Variants in RNF150 observed in about 807,000 individuals in gnomAD.
RNF150 encodes ring finger protein 150.
Under a neutral mutation model 39.3 loss-of-function variants are expected in RNF150, and 24 were observed. That is an observed-to-expected ratio of 0.61 (90% CI 0.44 to 0.86). The LOEUF (loss-of-function observed/expected upper bound fraction) is 0.86, where lower values mean the gene tolerates loss of function less well. Ranked by LOEUF, RNF150 falls within the 40% of genes least tolerant of loss-of-function variation. The probability of loss-of-function intolerance (pLI) is 0.00; values close to 1 mark genes in which losing one functional copy is unlikely to be tolerated. For synonymous variants in RNF150, 255 were observed against 227.3 expected, an observed-to-expected ratio of 1.12 and a Z score of -1.10; for missense variants, 502 against 587.8, an observed-to-expected ratio of 0.85 and a Z score of 1.51.
chr4:140,939,350 T>A (rs1454716006), intron 4 of RNF150, among the ~76,000 whole-genome samples: 2 of 152,198 alleles, frequency 1.3e-5, no homozygotes, highest in Non-Finnish European at 2.9e-5. Flanking sequence ...TGCAAATTTT[T>A]AAAAAAGTAA....
chr4:140,957,878 C>T (rs1436427766), intron 2 of RNF150, among the ~76,000 whole-genome samples: 4 of 133,476 alleles, frequency 3.0e-5, no homozygotes, highest in South Asian at 4.8e-4. Flanking sequence ...GGAAGGGGAA[C>T]GTCACACTCT....
At position 140,994,502 on chromosome 4, in the gene RNF150, C is replaced by T. The variant is rs141553156; in HGVS notation, c.485-26629G>A. ...ACACAACACACACACACACACACCA[C>T]TGCCTATTTAAGCAGCCCTAACAAA... On this transcript the variant is annotated intron_variant, in intron 1 of 6. Coordinates refer to ENST00000515673, the MANE Select transcript of RNF150 (RefSeq NM_020724.2). Among the ~76,000 whole-genome samples, 391 of 152,304 alleles carry T rather than the reference C, an allele frequency of 2.6e-3. 2 individuals carry two copies. The highest frequency in any genetic ancestry group is 9.0e-3 in the African/African-American group (375 of 41,588).
At chr4:141,153,814 G>A (rs767580950) in intron 1 of RNF150, among the ~76,000 whole-genome samples, 1 of 152,078 alleles carries the variant, frequency 6.6e-6, no homozygotes, top group Non-Finnish European at 1.5e-5. Flanking sequence ...TTTCTCATAG[G>A]TGTTCATGTA....
chr4:141,090,096 G>A, intron 1 of RNF150, among the ~76,000 whole-genome samples: 1 of 152,188 alleles, frequency 6.6e-6, no homozygotes, highest in East Asian at 1.9e-4. Context: ...AAAGGCAAGT[G>A]TGACAATGTT....
chr4:141,132,509 C>T lies in RNF150; in HGVS notation c.300G>A (p.Leu100=). 1.2e-6 allele frequency: 2 copies of T among 1,604,974 alleles called. No individual in the cohort carries two copies. The highest frequency in any genetic ancestry group is 1.7e-6 in the Non-Finnish European group (2 of 1,176,738). Residue 100 remains leucine, a synonymous_variant, in exon 1 of 7, where the codon CTG becomes CTA. Coordinates refer to ENST00000515673, the MANE Select transcript of RNF150 (RefSeq NM_020724.2). The surrounding 1 kb of genome is among the most constrained non-coding windows in gnomAD (Gnocchi z 4.9). ...CGAACTTGGTGTTGGGGTCGCAGGC[C>T]AGGCGGTCGTGGGCCGAGCTGGCCA... ...VVMASSAHDR[L]ACDPNTKFAA...
chr4:141,108,674 G>C (rs544361135), intron 1 of RNF150, among the ~76,000 whole-genome samples: 35 of 152,212 alleles, frequency 2.3e-4, no homozygotes, highest in African/African-American at 8.2e-4. Context: ...TGGTGATTTA[G>C]GTTCAATGAA....
At chr4:140,911,055 T>A in intron 6 of RNF150, 89 bp downstream of exon 6, 1 of 1,015,586 alleles carries the variant, frequency 9.8e-7, no homozygotes, top group Non-Finnish European at 1.5e-6. Context: ...ATTCAATATT[T>A]TTTTCTTTTT....
At chr4:141,057,062 T>A (rs913320869) in intron 1 of RNF150, among the ~76,000 whole-genome samples, 1 of 152,088 alleles carries the variant, frequency 6.6e-6, no homozygotes, top group Admixed American at 6.6e-5. Flanking sequence ...TCCTCATCTA[T>A]AAAATGGAGG....
intron 1 of RNF150, among the ~76,000 whole-genome samples, chr4:141,121,126 CACA>C (rs1665678885): frequency 6.6e-6 from 1 of 152,114 alleles, no homozygotes; most frequent in Admixed American, 6.5e-5. Context: ...AGAGGTCACA[CACA>C]ACATCTATGA....
intron 4 of RNF150, among the ~76,000 whole-genome samples, chr4:140,929,020 C>T (rs1474857009): frequency 3.3e-5 from 5 of 152,190 alleles, no homozygotes; most frequent in African/African-American, 1.2e-4. Flanking sequence ...ACAGTTGATG[C>T]TTAAGTTCCT....
At chr4:141,211,229 G>A (rs2111230938) in intron 1 of RNF150, among the ~76,000 whole-genome samples, 1 of 152,004 alleles carries the variant, frequency 6.6e-6, no homozygotes, top group East Asian at 1.9e-4. Flanking sequence ...CTTTAAGTAG[G>A]TTTTCAAAAA....
chr4:141,175,044 A>C (rs1404184726), intron 1 of RNF150, among the ~76,000 whole-genome samples: 1 of 152,212 alleles, frequency 6.6e-6, no homozygotes, highest in East Asian at 1.9e-4. Context: ...AGCCAGACCA[A>C]AGGCAAAAGA....
At chr4:141,211,397 A>T (rs1213565353) in intron 1 of RNF150, among the ~76,000 whole-genome samples, 1 of 152,200 alleles carries the variant, frequency 6.6e-6, no homozygotes, top group Non-Finnish European at 1.5e-5. Flanking sequence ...CATTCTAAGG[A>T]AAATGAAAGT....
intron 1 of RNF150, among the ~76,000 whole-genome samples, chr4:141,079,411 T>A (rs1738063135): frequency 6.6e-6 from 1 of 152,230 alleles, no homozygotes; most frequent in Admixed American, 6.5e-5. Context: ...GAGAAGAATA[T>A]ATAGTGATCA....
chr4:140,930,278 A>C (rs13144869), intron 4 of RNF150, among the ~76,000 whole-genome samples: 77,784 of 152,082 alleles, frequency 0.51, 19,937 homozygotes, highest in Middle Eastern at 0.66. Flanking sequence ...GCCTGTCCTG[A>C]AGACTTCAGG....
At chr4:140,988,571 G>A (rs1003539109) in intron 1 of RNF150, among the ~76,000 whole-genome samples, 4 of 152,174 alleles carry the variant, frequency 2.6e-5, no homozygotes, top group South Asian at 4.2e-4. Context: ...CATGTGCCAT[G>A]TTGGTGTGCT....
intron 1 of RNF150, among the ~76,000 whole-genome samples, chr4:141,166,150 C>T (rs546041280): frequency 2.0e-5 from 3 of 152,108 alleles, no homozygotes; most frequent in African/African-American, 7.2e-5. Context: ...TACAAACTAC[C>T]ATCAGAGAAT....
intron 1 of RNF150, among the ~76,000 whole-genome samples, chr4:141,139,015 A>T (rs1727072006): frequency 6.6e-6 from 1 of 152,178 alleles, no homozygotes; most frequent in Non-Finnish European, 1.5e-5. Context: ...GACCAGCCTT[A>T]GGCGACATAG....
chr4:140,970,269 A>C (rs1300036694), intron 1 of RNF150, among the ~76,000 whole-genome samples: 1 of 152,208 alleles, frequency 6.6e-6, no homozygotes. Context: ...TTGAATTCTT[A>C]CAATGTGATA....
Sources: allele counts gnomAD v4.1 joint callset (sites outside exome capture counted in the v4.1 genomes callset), GRCh38; gene constraint gnomAD v4.1.1; non-coding constraint Gnocchi (gnomAD v3.1); transcripts MANE v1.5; gene names NCBI Gene and HGNC (gene_info 2026-07-23, HGNC 2026-07-21).